TTC1: variants seen among roughly 807,000 people sequenced by gnomAD.
TTC1 encodes tetratricopeptide repeat protein 1.
A neutral mutation model predicts 37.6 loss-of-function variants in TTC1; 31 were observed. That is an observed-to-expected ratio of 0.82 (90% CI 0.62 to 1.11). TTC1 has a LOEUF of 1.11. Ranked by LOEUF, TTC1 falls within the 50% of genes most tolerant of loss-of-function variation. TTC1 has a pLI of 0.00. For synonymous variants in TTC1, 127 were observed against 122.4 expected, an observed-to-expected ratio of 1.04 and a Z score of -0.25; for missense variants, 351 against 339.0, an observed-to-expected ratio of 1.04 and a Z score of -0.28.
At chr5:160,043,099 G>A (rs775660892) in intron 4 of TTC1, 34 bp from the exon 5 acceptor site, 2 of 1,609,342 alleles carry the variant, frequency 1.2e-6, no homozygotes, top group Non-Finnish European at 8.5e-7. Context: ...GATAAAACTA[G>A]GGCAACACAT....
At position 160,010,841 on chromosome 5, in the gene TTC1, T is replaced by G; in HGVS notation, c.313T>G (p.Ser105Ala). The change falls in exon 2 of 8, where the codon TCG becomes GCG. Residue 105 changes from serine (S) to alanine (A), a missense_variant. Transcript: ENST00000231238. ...EYLIELEKNMSDEEKQKRREE... is the reference protein window; with the variant it reads ...EYLIELEKNMADEEKQKRREE... ...CCTAATAGAACTGGAAAAAAACATG[T>G]CGGATGAAGAGAAACAGGTAAGTAT... 6.2e-7 allele frequency: 1 copy of G among 1,612,172 alleles called. No individual in the cohort carries two copies. The highest frequency in any genetic ancestry group is 8.5e-7 in the Non-Finnish European group (1 of 1,178,738).
intron 2 of TTC1, among the ~76,000 whole-genome samples, chr5:160,023,255 CAAA>C (rs113727015): frequency 1.8e-5 from 2 of 110,014 alleles, no homozygotes; most frequent in Non-Finnish European, 3.8e-5. Flanking sequence ...AACACTGTCT[CAAA>C]AAAAAAAAAA....
At chr5:160,028,607 G>A (rs1756851964) in intron 2 of TTC1, among the ~76,000 whole-genome samples, 1 of 152,110 alleles carries the variant, frequency 6.6e-6, no homozygotes, top group Non-Finnish European at 1.5e-5. Flanking sequence ...CAGAGTAGCT[G>A]AAACCACAGG....
In TTC1 at chr5:160,024,664, A is replaced by AT. The variant is rs199612694; in HGVS notation, c.331-10461dup. On this transcript the variant is annotated intron_variant, in intron 2 of 7. Transcript: ENST00000231238. ...GGGGCTTGCCATCACACCCAGCTAA[A>AT]TTTTTTTTTTTTTTTCAGGATATGG... is the stretch of plus-strand genomic sequence containing the variant. Among the ~76,000 whole-genome samples the AT allele has an allele frequency of 5.1e-3, 716 of 140,606 alleles. 3 individuals carry two copies. The highest frequency in any genetic ancestry group is 0.021 in the East Asian group (102 of 4,764). The allele number at this position is 140,606 out of a possible 152,430, so 92.2% of individuals were successfully genotyped here.
rs537139443 is a variant in TTC1, at chr5:160,037,513, C to A, written c.504+710C>A. On this transcript the variant is annotated intron_variant, in intron 4 of 7. Coordinates refer to ENST00000231238, the MANE Select transcript of TTC1 (RefSeq NM_003314.3). ...GGCACATCACCTGAGATCAGGAGTT[C>A]GAGACCAGCCTGGCCAACATGGTCA... 1.6e-3 allele frequency among the ~76,000 whole-genome samples: 239 copies of A among 152,200 alleles called. 1 individual carries two copies. The highest frequency in any genetic ancestry group is 5.4e-3 in the African/African-American group (224 of 41,532).
intron 2 of TTC1, among the ~76,000 whole-genome samples, chr5:160,019,329 A>G (rs1027688737): frequency 6.6e-6 from 1 of 152,186 alleles, no homozygotes; most frequent in Non-Finnish European, 1.5e-5. Flanking sequence ...AACAGATGTT[A>G]TATTTCAGTC....
rs1757419635 is a variant in TTC1, at chr5:160,052,213, TTTAA to T, written c.745+1035_745+1038del. 3.9e-5 allele frequency among the ~76,000 whole-genome samples: 6 copies of T among 152,304 alleles called. No individual in the cohort carries two copies. In the East Asian group the frequency reaches 1.2e-3, roughly 29 times the overall value. ...GGGAGCTTTTCCCCTAATTTACATA[TTTAA>T]TTAAACTTGGCCAGGCACGGTGGCT... On this transcript the variant is annotated intron_variant, in intron 7 of 7. Coordinates refer to ENST00000231238, the MANE Select transcript of TTC1 (RefSeq NM_003314.3).
chr5:160,015,184 G>T (rs139079064), intron 2 of TTC1, among the ~76,000 whole-genome samples: 1 of 152,142 alleles, frequency 6.6e-6, no homozygotes, highest in Admixed American at 6.6e-5. Context: ...GAGGGCAAGT[G>T]CTGGAGATTA....
At chr5:160,049,397 G>T in intron 5 of TTC1, 117 bp from the exon 6 acceptor site, 1 of 998,870 alleles carries the variant, frequency 1.0e-6, no homozygotes, top group Non-Finnish European at 1.4e-6. Context: ...GTATACACTT[G>T]GCAAATGACT....
chr5:160,045,453 T>G (rs1385270478), intron 5 of TTC1, among the ~76,000 whole-genome samples: 1 of 34,012 alleles, frequency 2.9e-5, no homozygotes, highest in African/African-American at 1.2e-4. Flanking sequence ...TCCCCCACCC[T>G]CCACACACAC....
intron 2 of TTC1, among the ~76,000 whole-genome samples, chr5:160,022,166 C>T (rs190173101): frequency 6.6e-6 from 1 of 152,116 alleles, no homozygotes; most frequent in Non-Finnish European, 1.5e-5. Context: ...GTATTTCATG[C>T]AAGTTTTTAA....
intron 2 of TTC1, among the ~76,000 whole-genome samples, chr5:160,027,477 A>G (rs1007300006): frequency 2.6e-5 from 4 of 152,228 alleles, no homozygotes; most frequent in Non-Finnish European, 2.9e-5. Context: ...ACTGAGTGTC[A>G]TAATTACAGC....
rs574054306 is a variant in TTC1 at position 160,011,960 on chromosome 5, G to A, written c.330+1102G>A. 1.1e-4 allele frequency among the ~76,000 whole-genome samples: 17 copies of A among 152,248 alleles called. No individual in the cohort carries two copies. The Middle Eastern group carries it at 0.01, about 91-fold the overall frequency. The stretch of plus-strand genomic sequence containing the variant: ...ATCTTCTCTTTCTCTCTCCTTAGAC[G>A]CTTTTCATTATCAAATCAGTTAGCT... On this transcript the variant is annotated intron_variant, in intron 2 of 7. Transcript: ENST00000231238.
chr5:160,050,262 A>G (rs1484581642), intron 6 of TTC1, among the ~76,000 whole-genome samples: 1 of 152,150 alleles, frequency 6.6e-6, no homozygotes, highest in Admixed American at 6.5e-5. Flanking sequence ...AGCCTGACCA[A>G]CATGGAGAAA....
chr5:160,060,431 G>C (rs1275980624), intron 7 of TTC1, among the ~76,000 whole-genome samples: 2 of 152,174 alleles, frequency 1.3e-5, no homozygotes, highest in African/African-American at 4.8e-5. Flanking sequence ...GAGTAGTTCT[G>C]TACTCTTCTC....
Position 160,010,655 on chromosome 5 carries a change from A to G in TTC1, c.127A>G (p.Ser43Gly). 6.2e-7 allele frequency: 1 copy of G among 1,613,978 alleles called. No individual in the cohort carries two copies. The highest frequency in any genetic ancestry group is 8.5e-7 in the Non-Finnish European group (1 of 1,179,928). ...TGATCCCAAAAATCAGCATTCCCAGAGTAAGCTGCTCAGGGATGATGAGGC... is the reference window on the plus strand; with the variant it reads ...TGATCCCAAAAATCAGCATTCCCAGGGTAAGCTGCTCAGGGATGATGAGGC... The part of the protein sequence containing the change: ...VPDPKNQHSQ[S>G]KLLRDDEAHL... Residue 43 changes from serine to glycine, a missense_variant, in exon 2 of 8, where the codon AGT (serine) becomes GGT (glycine). Physicochemically the swap from Ser to Gly is moderately conservative, Grantham distance 56. Transcript: ENST00000231238.
chr5:160,021,959 T>G (rs80244178), intron 2 of TTC1, among the ~76,000 whole-genome samples: 6 of 152,140 alleles, frequency 3.9e-5, no homozygotes, highest in Non-Finnish European at 7.3e-5. Context: ...CCCTGGGTAC[T>G]GTGCTTGGCA....
At chr5:160,046,958 G>C (rs2113386858) in intron 5 of TTC1, among the ~76,000 whole-genome samples, 2 of 152,224 alleles carry the variant, frequency 1.3e-5, no homozygotes, top group South Asian at 4.1e-4. Context: ...GTTGCAGTGA[G>C]CCGAGATCAC....
rs1189576492 is a variant in TTC1 at position 160,043,284 on chromosome 5, G to T, written c.541+115G>T. ...GTACCCTTCCTCTGGGGCCTTGCAA[G>T]AGGCAACTTTATAATTATTTTCAAA... is the stretch of plus-strand genomic sequence containing the variant. On this transcript the variant is annotated intron_variant, in intron 5 of 7. Transcript: ENST00000231238. 5.1e-6 allele frequency: 5 copies of T among 970,902 alleles called. No homozygotes were observed. In the African/African-American group the frequency reaches 6.7e-5, roughly 13 times the overall value. The allele number at this position is 970,902 out of a possible 1,614,324, so 60.1% of individuals were successfully genotyped here.
Sources: gnomAD v4.1 joint callset for allele counts (sites outside exome capture counted in the v4.1 genomes callset) on GRCh38, gnomAD v4.1.1 for gene constraint, MANE v1.5 for transcripts, NCBI Gene and HGNC (gene_info 2026-07-23, HGNC 2026-07-21) for gene names.